Variants in TMEM117 observed in about 807,000 individuals in gnomAD.
TMEM117 encodes transmembrane protein 117.
Under a neutral mutation model 52.4 loss-of-function variants are expected in TMEM117, and 27 were observed. The ratio of observed to expected loss-of-function variants is 0.51; its 90% CI spans 0.38 to 0.71. The LOEUF (loss-of-function observed/expected upper bound fraction) is 0.71, where lower values mean the gene tolerates loss of function less well. Among genes scored for constraint, TMEM117 ranks in the 30% least tolerant of loss-of-function variants. TMEM117 has a pLI of 0.00. For synonymous variants in TMEM117, 215 were observed against 206.3 expected (o/e 1.04, Z -0.36); for missense variants, 556 against 630.5 (o/e 0.88, Z 1.26).
In TMEM117 at chr12:43,924,401, A is replaced by T. The variant is rs1036602524; in HGVS notation, c.278-19809A>T. ...AGACATCAACATTCTGACTGAAAGG[A>T]TATAAAATATGGTAAGAAAATATGA... On this transcript the variant is annotated intron_variant, in intron 2 of 7. Transcript: ENST00000266534. Among the ~76,000 whole-genome samples, 4 of 152,194 alleles carry T rather than the reference A, an allele frequency of 2.6e-5. No homozygotes were observed. The East Asian group carries it at 7.7e-4, about 29-fold the overall frequency.
At chr12:43,921,465 T>C (rs1944693446) in intron 2 of TMEM117, among the ~76,000 whole-genome samples, 1 of 152,134 alleles carries the variant, frequency 6.6e-6, no homozygotes, top group Non-Finnish European at 1.5e-5. Flanking sequence ...CTTAGAGAAA[T>C]CAAGTAATCT....
At chr12:44,353,400 G>A (rs1315837083) in intron 6 of TMEM117, among the ~76,000 whole-genome samples, 2 of 152,086 alleles carry the variant, frequency 1.3e-5, no homozygotes, top group African/African-American at 4.8e-5. Flanking sequence ...GTATTGCCTA[G>A]GTTTTCTTGT....
intron 2 of TMEM117, among the ~76,000 whole-genome samples, chr12:43,847,264 G>A (rs116389057): frequency 0.015 from 2,310 of 152,254 alleles, 64 homozygotes; most frequent in African/African-American, 0.051. Context: ...GGCTTAGAGA[G>A]GACAAGAGGA....
chr12:43,928,324 A>G (rs1015333508), intron 2 of TMEM117, among the ~76,000 whole-genome samples: 2 of 151,966 alleles, frequency 1.3e-5, no homozygotes, highest in African/African-American at 4.8e-5. Flanking sequence ...TCTAGATTTG[A>G]TACATTACTT....
At chr12:43,867,211 T>A (rs1943617371) in intron 2 of TMEM117, among the ~76,000 whole-genome samples, 1 of 152,150 alleles carries the variant, frequency 6.6e-6, no homozygotes, top group East Asian at 1.9e-4. Context: ...TGGAGGCAAA[T>A]GGAATTACAC....
intron 3 of TMEM117, among the ~76,000 whole-genome samples, chr12:44,118,706 T>C (rs1430096500): frequency 1.3e-5 from 2 of 152,240 alleles, no homozygotes; most frequent in East Asian, 3.8e-4. Context: ...TATCTTATTT[T>C]ATTAAAATCA....
chr12:44,134,291 C>T (rs1008770752), intron 3 of TMEM117, among the ~76,000 whole-genome samples: 13 of 152,064 alleles, frequency 8.5e-5, no homozygotes, highest in African/African-American at 1.4e-4. Flanking sequence ...AAGGCTTGCT[C>T]GCTGTAGCGT....
intron 3 of TMEM117, among the ~76,000 whole-genome samples, chr12:44,039,825 A>G (rs1387563544): frequency 6.6e-6 from 1 of 152,168 alleles, no homozygotes; most frequent in Admixed American, 6.5e-5. Flanking sequence ...TCTTAACCTT[A>G]TATTACATGT....
intron 3 of TMEM117, among the ~76,000 whole-genome samples, chr12:44,031,458 A>G (rs1360684245): frequency 6.6e-6 from 1 of 152,212 alleles, no homozygotes; most frequent in Non-Finnish European, 1.5e-5. Context: ...CAGGTTTCTG[A>G]TAACTTTGGA....
At chr12:43,922,235 G>C (rs777403248) in intron 2 of TMEM117, among the ~76,000 whole-genome samples, 11 of 152,004 alleles carry the variant, frequency 7.2e-5, no homozygotes, top group Non-Finnish European at 1.5e-4. Flanking sequence ...GGCAATACGC[G>C]TGCAGTGGGT....
chr12:44,310,361 G>A (rs888751846), intron 6 of TMEM117, among the ~76,000 whole-genome samples: 1 of 152,226 alleles, frequency 6.6e-6, no homozygotes, highest in South Asian at 2.1e-4. Flanking sequence ...ACTGGGGGCA[G>A]GGCACAGTGG....
chr12:43,945,185 T>C (rs1467996426), intron 3 of TMEM117, among the ~76,000 whole-genome samples: 3 of 147,458 alleles, frequency 2.0e-5, no homozygotes, highest in Admixed American at 6.6e-5. Flanking sequence ...TATATACTTA[T>C]CAAATCACTA....
chr12:44,144,522 T>C (rs1265737422), intron 4 of TMEM117, among the ~76,000 whole-genome samples: 1 of 152,192 alleles, frequency 6.6e-6, no homozygotes, highest in Non-Finnish European at 1.5e-5. Context: ...TCCCAGATAT[T>C]GTAGGTAGAT....
At chr12:44,016,360 A>G (rs1030849629) in intron 3 of TMEM117, among the ~76,000 whole-genome samples, 1 of 152,150 alleles carries the variant, frequency 6.6e-6, no homozygotes, top group African/African-American at 2.4e-5. Flanking sequence ...TAACTTTGGG[A>G]ATTCACTCAG....
intron 3 of TMEM117, chr12:44,010,302 T>C (rs1946269353): frequency 4.4e-6 from 2 of 451,936 alleles, no homozygotes; most frequent in Admixed American, 2.4e-5. Context: ...CACTTTCCTC[T>C]TTCTCAGCTT....
intron 2 of TMEM117, among the ~76,000 whole-genome samples, chr12:43,937,646 C>G (rs7133980): frequency 0.98 from 149,959 of 152,326 alleles, 73,845 homozygotes; most frequent in East Asian, 1. Flanking sequence ...AAGAACTGAA[C>G]GGCTCAGAGG....
intron 3 of TMEM117, among the ~76,000 whole-genome samples, chr12:44,039,481 C>T (rs902725239): frequency 6.6e-6 from 1 of 151,336 alleles, no homozygotes; most frequent in Non-Finnish European, 1.5e-5. Context: ...GGCTTTTGTT[C>T]TTTCATGTAA....
At chr12:43,925,294 A>C (rs1944760876) in intron 2 of TMEM117, among the ~76,000 whole-genome samples, 1 of 79,916 alleles carries the variant, frequency 1.3e-5, no homozygotes, top group South Asian at 5.7e-4. Flanking sequence ...CACACTTGCC[A>C]AAAAAAATTT....
At chr12:44,283,731 T>C (rs974274696) in intron 5 of TMEM117, among the ~76,000 whole-genome samples, 5 of 152,116 alleles carry the variant, frequency 3.3e-5, no homozygotes, top group Non-Finnish European at 7.3e-5. Flanking sequence ...TTTGGGAGAC[T>C]GTTGGGAAGG....
Sources: allele counts gnomAD v4.1 joint callset (sites outside exome capture counted in the v4.1 genomes callset), GRCh38; gene constraint gnomAD v4.1.1; transcripts MANE v1.5; gene names NCBI Gene and HGNC (gene_info 2026-07-23, HGNC 2026-07-21).